Variants in EDA observed in about 807,000 individuals in gnomAD.
The protein encoded by EDA is ectodysplasin-A.
EDA carries 2 observed loss-of-function variants against 23.6 expected under a neutral mutation model. The ratio of observed to expected loss-of-function variants is 0.08; its 90% CI spans 0.03 to 0.27. The LOEUF (loss-of-function observed/expected upper bound fraction) is 0.27. Among genes scored for constraint, EDA ranks in the 10% least tolerant of loss-of-function variants. The pLI is 1.00. For missense variants in EDA, 229 were observed against 324.2 expected (o/e 0.71, Z 2.26); for synonymous variants, 131 against 132.0 (o/e 0.99, Z 0.05).
chrX:69,999,874 T>C (rs1035657196), intron 2 of EDA, among the ~76,000 whole-genome samples: 1 of 111,210 alleles, frequency 9.0e-6, no homozygotes, highest in South Asian at 3.8e-4. Context: ...AACCATGCAA[T>C]ATATTTATAG....
intron 2 of EDA, among the ~76,000 whole-genome samples, chrX:70,020,476 G>A (rs951214203): frequency 1.4e-4 from 15 of 109,893 alleles, no homozygotes; most frequent in Admixed American, 1.9e-4. Context: ...GGAGAATGGC[G>A]TGAACCCGGG....
chrX:69,641,678 G>C (rs991837014), intron 1 of EDA, among the ~76,000 whole-genome samples: 4 of 111,455 alleles, frequency 3.6e-5, no homozygotes, highest in African/African-American at 1.3e-4. Context: ...TATATGGAGG[G>C]ATATTACACT....
At chrX:69,771,561 C>T (rs1214685409) in intron 1 of EDA, among the ~76,000 whole-genome samples, 2 of 111,512 alleles carry the variant, frequency 1.8e-5, no homozygotes, top group Non-Finnish European at 3.8e-5. Flanking sequence ...GGACATGAGG[C>T]TTCTTTTTGG....
intron 1 of EDA, among the ~76,000 whole-genome samples, chrX:69,630,668 C>G (rs974999662): frequency 1.5e-4 from 17 of 112,253 alleles, no homozygotes; most frequent in African/African-American, 5.2e-4. Context: ...ATAAATCTGT[C>G]TCTTTGTCTC....
chrX:69,633,449 G>A (rs1290687205), intron 1 of EDA, among the ~76,000 whole-genome samples: 2 of 111,755 alleles, frequency 1.8e-5, no homozygotes, highest in African/African-American at 6.5e-5. Flanking sequence ...TGTGACCATT[G>A]TCTAATCCAA....
chrX:69,676,531 T>TGC (rs1039747593), intron 1 of EDA, among the ~76,000 whole-genome samples: 4 of 111,015 alleles, frequency 3.6e-5, no homozygotes, highest in African/African-American at 1.3e-4. Context: ...TGTGTGTGTG[T>TGC]GTGTGTGTAA....
chrX:69,786,328 G>C (rs1319785860), intron 1 of EDA, among the ~76,000 whole-genome samples: 1 of 108,226 alleles, frequency 9.2e-6, no homozygotes, highest in African/African-American at 3.4e-5. Flanking sequence ...TTTGCCTTCT[G>C]CTAGCTTTTG....
intron 1 of EDA, among the ~76,000 whole-genome samples, chrX:69,873,215 A>G (rs113183259): frequency 0.018 from 1,957 of 111,768 alleles, 48 homozygotes; most frequent in African/African-American, 0.06. Context: ...TAGTGACACA[A>G]CCTATCAAAA....
rs985062271 is a variant in EDA, at chrX:69,712,271, G to C, written c.396+95567G>C. 9.9e-5 allele frequency among the ~76,000 whole-genome samples: 11 copies of C among 110,721 alleles called. No individual in the cohort carries two copies. The East Asian group carries it at 3.1e-3, about 31-fold the overall frequency. ...TTATGTATCCAGTAGTCATTCATTC[G>C]GAGTAATTATAAATGGTAATGTGTC... On this transcript the variant is annotated intron_variant, in intron 1 of 7. Transcript: ENST00000374552.
rs1375428180 is a variant in EDA, at chrX:69,629,461, A to G, written c.396+12757A>G. Among the ~76,000 whole-genome samples the G allele has an allele frequency of 2.7e-5, 3 of 112,236 alleles. No individual in the cohort carries two copies. The South Asian group carries it at 1.1e-3, about 41-fold the overall frequency. ...GAGACTGAGTGTTACATTCCTTTATAGCTCTTATACCTACAACGCTAACTG... is the reference window on the plus strand; with the variant it reads ...GAGACTGAGTGTTACATTCCTTTATGGCTCTTATACCTACAACGCTAACTG... On this transcript the variant is annotated intron_variant, in intron 1 of 7. Coordinates refer to ENST00000374552, the MANE Select transcript of EDA (RefSeq NM_001399.5).
chrX:69,758,950 T>C (rs2014213970), intron 1 of EDA, among the ~76,000 whole-genome samples: 1 of 112,705 alleles, frequency 8.9e-6, no homozygotes. Flanking sequence ...TTTTGGGTTA[T>C]ATCTGATTCC....
At chrX:69,852,215 C>T (rs1031090477) in intron 1 of EDA, among the ~76,000 whole-genome samples, 1 of 111,254 alleles carries the variant, frequency 9.0e-6, no homozygotes, top group Non-Finnish European at 1.9e-5. Flanking sequence ...CCGCAACCTC[C>T]GCTTCCTGGG....
chrX:69,682,109 G>A (rs886491756), intron 1 of EDA, among the ~76,000 whole-genome samples: 9 of 112,109 alleles, frequency 8.0e-5, no homozygotes, highest in African/African-American at 2.9e-4. Flanking sequence ...CCCCTGCTGG[G>A]GGTGCCTCCC....
chrX:69,637,241 A>G (rs554909394), intron 1 of EDA, among the ~76,000 whole-genome samples: 185 of 111,762 alleles, frequency 1.7e-3, no homozygotes, highest in Non-Finnish European at 2.6e-3. Context: ...GTGCAAATCT[A>G]TATATAGATC....
chrX:69,661,149 G>C (rs1206050388), intron 1 of EDA, among the ~76,000 whole-genome samples: 1 of 108,850 alleles, frequency 9.2e-6, no homozygotes, highest in Non-Finnish European at 1.9e-5. Context: ...GTCTTCTTTT[G>C]AGAAGTGTCT....
At chrX:69,676,762 T>C (rs1468930073) in intron 1 of EDA, among the ~76,000 whole-genome samples, 1 of 111,321 alleles carries the variant, frequency 9.0e-6, no homozygotes, top group African/African-American at 3.3e-5. Context: ...GACTCCCCTG[T>C]CTTGGATTCA....
intron 1 of EDA, among the ~76,000 whole-genome samples, chrX:69,689,297 C>A (rs1255749380): frequency 2.3e-5 from 1 of 43,997 alleles, no homozygotes; most frequent in Non-Finnish European, 3.6e-5. Flanking sequence ...ATACATGTGC[C>A]ATGCTTTTTT....
chrX:69,757,306 T>TA (rs930416005), intron 1 of EDA, among the ~76,000 whole-genome samples: 9 of 109,731 alleles, frequency 8.2e-5, no homozygotes, highest in Admixed American at 9.7e-5. Flanking sequence ...AATAATTTAG[T>TA]AAAAAAAAAG....
rs2018427353 is a variant in EDA, at chrX:69,921,225, T to G, written c.397-35802T>G. On this transcript the variant is annotated intron_variant, in intron 1 of 7. Transcript: ENST00000374552. ...CCCAGTTAGTCCTATGATCACCCAA[T>G]TCTCCAAGGATCTCTGGTTCCTTTT... Among the ~76,000 whole-genome samples the G allele has an allele frequency of 3.6e-5, 4 of 110,894 alleles. No homozygotes were observed. The Admixed American group carries it at 3.9e-4, about 11-fold the overall frequency.
Sources: gnomAD v4.1 joint callset for allele counts (sites outside exome capture counted in the v4.1 genomes callset) on GRCh38, gnomAD v4.1.1 for gene constraint, MANE v1.5 for transcripts, NCBI Gene and HGNC (gene_info 2026-07-23, HGNC 2026-07-21) for gene names.